The following LOXL2 variants were observed in gnomAD, a reference collection of about 807,000 sequenced individuals.
The protein encoded by LOXL2 is lysyl oxidase homolog 2.
In LOXL2, 70 loss-of-function variants were observed where a neutral mutation model predicts 93.0. The observed-to-expected ratio is 0.75, with a 90% confidence interval of 0.62 to 0.92. The LOEUF (loss-of-function observed/expected upper bound fraction) is 0.92. LOXL2 is among the 40% of genes least tolerant of loss of function. LOXL2 has a pLI of 0.00. For missense variants in LOXL2, 973 were observed against 1,054.9 expected (o/e 0.92, Z 1.08); for synonymous variants, 438 against 413.2 (o/e 1.06, Z -0.73).
chr8:23,375,290 G>A (rs1563205806), intron 1 of LOXL2, among the ~76,000 whole-genome samples: 3 of 152,070 alleles, frequency 2.0e-5, no homozygotes, highest in Non-Finnish European at 4.4e-5. Context: ...GCTCTGTTCT[G>A]TTCCACTGGT....
At position 23,356,788 on chromosome 8, in the gene LOXL2, A is replaced by C. The variant is rs114114846; in HGVS notation, c.531+3302T>G. 6.0e-3 allele frequency among the ~76,000 whole-genome samples: 916 copies of C among 152,248 alleles called. 8 individuals carry two copies. The highest frequency in any genetic ancestry group is 0.021 in the African/African-American group (856 of 41,554). ...GGCTGTGGATGTCACCTGGCCCTTTAAGCCAGACATCTCCATAGGTTGCCC... is the reference window on the plus strand; with the variant it reads ...GGCTGTGGATGTCACCTGGCCCTTTCAGCCAGACATCTCCATAGGTTGCCC... On this transcript the variant is annotated intron_variant, in intron 3 of 13. Transcript: ENST00000389131.
intron 10 of LOXL2, among the ~76,000 whole-genome samples, chr8:23,306,289 G>A (rs1803228103): frequency 6.6e-6 from 1 of 152,208 alleles, no homozygotes; most frequent in African/African-American, 2.4e-5. Flanking sequence ...CTTTGCAGAG[G>A]AGATGCTTGC....
At chr8:23,301,879 T>C in intron 12 of LOXL2, 148 bp downstream of exon 12, 1 of 928,330 alleles carries the variant, frequency 1.1e-6, no homozygotes, top group Non-Finnish European at 1.6e-6. Context: ...GGTTAACTGA[T>C]GGACCGTGAT....
intron 6 of LOXL2, among the ~76,000 whole-genome samples, chr8:23,327,840 G>A (rs1327918910): frequency 1.3e-5 from 2 of 152,158 alleles, no homozygotes; most frequent in Non-Finnish European, 2.9e-5. Flanking sequence ...ATTTGTTCAG[G>A]ACAGTTAATA....
At chr8:23,346,083 TAATAAAATAA>T (rs10624286) in intron 3 of LOXL2, among the ~76,000 whole-genome samples, 8 of 73,982 alleles carry the variant, frequency 1.1e-4, no homozygotes, top group South Asian at 3.7e-4. Context: ...TAAAATAAAA[TAATAAAATAA>T]AATAAAATAA....
chr8:23,339,376 C>T (rs898709982), intron 4 of LOXL2, among the ~76,000 whole-genome samples: 5 of 152,184 alleles, frequency 3.3e-5, no homozygotes, highest in East Asian at 3.9e-4. Context: ...TTATCCTCCC[C>T]GTCCTTGAAA....
chr8:23,345,362 C>A (rs1803953302), intron 3 of LOXL2, among the ~76,000 whole-genome samples: 1 of 151,938 alleles, frequency 6.6e-6, no homozygotes, highest in Non-Finnish European at 1.5e-5. Flanking sequence ...TCTGGGTGTC[C>A]CCTTCAACCA....
intron 1 of LOXL2, among the ~76,000 whole-genome samples, chr8:23,373,333 G>A (rs1804529589): frequency 6.6e-6 from 1 of 152,072 alleles, no homozygotes; most frequent in African/African-American, 2.4e-5. Flanking sequence ...AATTCAGGAA[G>A]GTTTTCCTCT....
In LOXL2 at chr8:23,329,918, A is replaced by G. The variant is rs965910648; in HGVS notation, c.967-1353T>C. On this transcript the variant is annotated intron_variant, in intron 5 of 13. Coordinates refer to ENST00000389131, the MANE Select transcript of LOXL2 (RefSeq NM_002318.3). ...GGCCATGGCATGGTGGGGTGCTGGG[A>G]CAGCACCCAGATTTACAGACCTCAG... Among the ~76,000 whole-genome samples the G allele has an allele frequency of 8.9e-4, 135 of 152,302 alleles. No individual in the cohort carries two copies. In the East Asian group the frequency reaches 0.018, roughly 20 times the overall value.
chr8:23,400,764 A>T lies in LOXL2; in HGVS notation c.-84+3190T>A, dbSNP rs551279153. Among the ~76,000 whole-genome samples the T allele has an allele frequency of 2.0e-5, 3 of 152,258 alleles. No individual in the cohort carries two copies. The East Asian group carries it at 5.8e-4, about 29-fold the overall frequency. ...TTTGTTTCTTCCAGGAATCCCAGCAACAGTCATTTCACTCATCCTATTTTT... is the reference window on the plus strand; with the variant it reads ...TTTGTTTCTTCCAGGAATCCCAGCATCAGTCATTTCACTCATCCTATTTTT... On this transcript the variant is annotated intron_variant, in intron 1 of 13. Coordinates refer to ENST00000389131, the MANE Select transcript of LOXL2 (RefSeq NM_002318.3).
At chr8:23,385,011 G>A (rs1016159829) in intron 1 of LOXL2, among the ~76,000 whole-genome samples, 7 of 152,190 alleles carry the variant, frequency 4.6e-5, no homozygotes, top group Non-Finnish European at 7.3e-5. Context: ...AACCTTTGGG[G>A]TTCTGGTAAT....
At chr8:23,386,852 C>A (rs1804770049) in intron 1 of LOXL2, among the ~76,000 whole-genome samples, 1 of 152,162 alleles carries the variant, frequency 6.6e-6, no homozygotes, top group Admixed American at 6.5e-5. Context: ...CCTCCACACG[C>A]TCCAAATAAA....
intron 9 of LOXL2, among the ~76,000 whole-genome samples, chr8:23,315,781 C>G (rs571538006): frequency 6.6e-6 from 1 of 152,342 alleles, no homozygotes; most frequent in African/African-American, 2.4e-5. Flanking sequence ...AAGCCACTAC[C>G]ATTTTGCCAG....
intron 7 of LOXL2, chr8:23,321,881 C>A: frequency 2.0e-6 from 1 of 491,358 alleles, no homozygotes; most frequent in Non-Finnish European, 3.6e-6. Flanking sequence ...GGTAACTCAC[C>A]TCAGATGTTA....
At chr8:23,303,230 G>C in intron 11 of LOXL2, 52 bp downstream of exon 11, 1 of 1,108,270 alleles carries the variant, frequency 9.0e-7, no homozygotes, top group Admixed American at 1.7e-5. Flanking sequence ...CGTGGAGGCA[G>C]AGGCATTCGA....
chr8:23,314,843 A>C (rs1480098828), intron 9 of LOXL2, among the ~76,000 whole-genome samples: 1 of 149,296 alleles, frequency 6.7e-6, no homozygotes, highest in African/African-American at 2.6e-5. Flanking sequence ...AAAAAAATAA[A>C]AATAAAAATA....
chr8:23,302,265 C>G, intron 11 of LOXL2, 102 bp from the exon 12 acceptor site: 1 of 1,424,802 alleles, frequency 7.0e-7, no homozygotes, highest in Non-Finnish European at 9.7e-7. Flanking sequence ...CATCTGGGCT[C>G]GGCATCCCAC....
chr8:23,315,879 T>A (rs573214741), intron 9 of LOXL2, among the ~76,000 whole-genome samples: 1 of 152,190 alleles, frequency 6.6e-6, no homozygotes, highest in African/African-American at 2.4e-5. Context: ...CTGGAAAAGA[T>A]GGGATATTGC....
At chr8:23,322,356 CA>C in intron 6 of LOXL2, 75 bp from the exon 7 acceptor site, 1 of 1,355,030 alleles carries the variant, frequency 7.4e-7, no homozygotes, top group East Asian at 2.4e-5. Context: ...AAGCCCTGGA[CA>C]ATAAGAACAT....
Sources: allele counts gnomAD v4.1 joint callset (sites outside exome capture counted in the v4.1 genomes callset), GRCh38; gene constraint gnomAD v4.1.1; transcripts MANE v1.5; gene names NCBI Gene and HGNC (gene_info 2026-07-23, HGNC 2026-07-21).